Variants in SOX5 observed in about 807,000 individuals in gnomAD.
SOX5 encodes the protein SRY-box transcription factor 5.
Under a neutral mutation model 92.0 loss-of-function variants are expected in SOX5, and 9 were observed. The ratio of observed to expected loss-of-function variants is 0.10; its 90% CI spans 0.06 to 0.17. The LOEUF (loss-of-function observed/expected upper bound fraction) is 0.17, where lower values mean the gene tolerates loss of function less well. Ranked by LOEUF, SOX5 falls within the 10% of genes least tolerant of loss-of-function variation. The pLI, the probability that SOX5 is intolerant of heterozygous loss-of-function variation, is 1.00. For synonymous variants in SOX5, 344 were observed against 336.3 expected (o/e 1.02, Z -0.25); for missense variants, 642 against 944.5 (o/e 0.68, Z 4.20).
chr12:23,666,559 G>C (rs2083846621), intron 6 of SOX5, among the ~76,000 whole-genome samples: 1 of 152,154 alleles, frequency 6.6e-6, no homozygotes, highest in African/African-American at 2.4e-5. Context: ...TTATTGGTTA[G>C]TGTTTATTGA....
At chr12:24,070,607 A>G (rs539993979) in intron 4 of SOX5, among the ~76,000 whole-genome samples, 19 of 152,318 alleles carry the variant, frequency 1.2e-4, no homozygotes, top group Admixed American at 1.2e-3. Flanking sequence ...ACTACTGTAA[A>G]GGACTGATAT....
At chr12:23,912,545 T>C (rs1247722703) in intron 1 of SOX5, among the ~76,000 whole-genome samples, 1 of 152,162 alleles carries the variant, frequency 6.6e-6, no homozygotes, top group Admixed American at 6.5e-5. Flanking sequence ...CAAAGGTACA[T>C]AACAGCATTA....
At chr12:23,675,125 C>G (rs1393517330) in intron 6 of SOX5, among the ~76,000 whole-genome samples, 5 of 152,184 alleles carry the variant, frequency 3.3e-5, no homozygotes, top group Non-Finnish European at 5.9e-5. Context: ...ACATTTACTT[C>G]AAAGTCTCTT....
intron 2 of SOX5, among the ~76,000 whole-genome samples, chr12:23,867,930 C>G (rs2096832701): frequency 6.6e-6 from 1 of 151,730 alleles, no homozygotes; most frequent in Non-Finnish European, 1.5e-5. Flanking sequence ...ACCACCTAGG[C>G]AGTTTAACCT....
intron 2 of SOX5, among the ~76,000 whole-genome samples, chr12:23,879,394 G>A (rs781510079): frequency 2.0e-5 from 3 of 151,966 alleles, no homozygotes; most frequent in Non-Finnish European, 2.9e-5. Flanking sequence ...TTCAATAATC[G>A]CTCTTTAAAA....
intron 8 of SOX5, among the ~76,000 whole-genome samples, chr12:23,620,791 A>G (rs1043973789): frequency 6.6e-6 from 1 of 152,076 alleles, no homozygotes; most frequent in Admixed American, 6.6e-5. Flanking sequence ...TTTCTCACGT[A>G]CCAACGAAGC....
chr12:23,861,002 T>C (rs957039717), intron 2 of SOX5, among the ~76,000 whole-genome samples: 3 of 117,250 alleles, frequency 2.6e-5, no homozygotes, highest in African/African-American at 1.0e-4. Flanking sequence ...GAAATAATAA[T>C]GAGCACCTAT....
At chr12:24,213,017 C>G (rs1565669700) in intron 4 of SOX5, among the ~76,000 whole-genome samples, 1 of 149,970 alleles carries the variant, frequency 6.7e-6, no homozygotes, top group Non-Finnish European at 1.5e-5. Context: ...TCTTAAAAGT[C>G]ATTAAGGGAA....
intron 3 of SOX5, among the ~76,000 whole-genome samples, chr12:23,839,252 T>C (rs973356249): frequency 6.6e-6 from 1 of 152,036 alleles, no homozygotes; most frequent in Non-Finnish European, 1.5e-5. Context: ...TGGCATGTCA[T>C]ACACTTCCAA....
chr12:24,141,216 T>C (rs1369112518), intron 4 of SOX5, among the ~76,000 whole-genome samples: 1 of 152,194 alleles, frequency 6.6e-6, no homozygotes, highest in Admixed American at 6.6e-5. Flanking sequence ...ACATCTTTCT[T>C]CTCCTACATG....
chr12:23,782,364 G>C (rs923251473), intron 3 of SOX5, among the ~76,000 whole-genome samples: 1 of 152,110 alleles, frequency 6.6e-6, no homozygotes, highest in Non-Finnish European at 1.5e-5. Context: ...ATAAATCTCA[G>C]GATCAAGACA....
intron 3 of SOX5, among the ~76,000 whole-genome samples, chr12:23,839,814 C>T (rs1053141463): frequency 3.0e-5 from 4 of 132,446 alleles, no homozygotes; most frequent in African/African-American, 1.2e-4. Flanking sequence ...TAGAGTGAGG[C>T]CTTCTCAACT....
intron 4 of SOX5, among the ~76,000 whole-genome samples, chr12:24,207,756 G>A (rs540138843): frequency 3.9e-5 from 6 of 152,160 alleles, no homozygotes; most frequent in African/African-American, 1.2e-4. Context: ...CAGCACCCTC[G>A]TCTTGCAGGC....
At chr12:24,559,006 T>A (rs780297862) in intron 1 of SOX5, among the ~76,000 whole-genome samples, 1 of 152,208 alleles carries the variant, frequency 6.6e-6, no homozygotes, top group African/African-American at 2.4e-5. Flanking sequence ...AAGTTTCAGA[T>A]CCCAAATCAT....
chr12:24,394,912 C>A (rs766939737), intron 1 of SOX5, among the ~76,000 whole-genome samples: 1 of 152,032 alleles, frequency 6.6e-6, no homozygotes, highest in Non-Finnish European at 1.5e-5. Flanking sequence ...TTTCAAATTA[C>A]GATACGCCTT....
At chr12:23,730,580 C>A (rs779020976) in intron 6 of SOX5, among the ~76,000 whole-genome samples, 1 of 152,144 alleles carries the variant, frequency 6.6e-6, no homozygotes, top group African/African-American at 2.4e-5. Flanking sequence ...AAGACTGTAA[C>A]CCTACAAAGT....
intron 1 of SOX5, among the ~76,000 whole-genome samples, chr12:24,477,196 C>T (rs751892657): frequency 1.3e-5 from 2 of 150,826 alleles, no homozygotes; most frequent in African/African-American, 4.9e-5. Flanking sequence ...TTCAGTGGCA[C>T]GATCTCAGCT....
At chr12:23,626,079 GA>G (rs199881253) in intron 8 of SOX5, among the ~76,000 whole-genome samples, 1 of 151,634 alleles carries the variant, frequency 6.6e-6, no homozygotes, top group African/African-American at 2.4e-5. Context: ...AAAAATAGAG[GA>G]AAAAATGAAG....
intron 2 of SOX5, among the ~76,000 whole-genome samples, chr12:24,292,821 C>T (rs534630315): frequency 1.4e-4 from 21 of 152,168 alleles, no homozygotes; most frequent in Non-Finnish European, 2.6e-4. Context: ...CACAGACTAG[C>T]TTCTGGCTTC....
Sources: gnomAD v4.1 joint callset for allele counts (sites outside exome capture counted in the v4.1 genomes callset) on GRCh38, gnomAD v4.1.1 for gene constraint, MANE v1.5 for transcripts, NCBI Gene and HGNC (gene_info 2026-07-23, HGNC 2026-07-21) for gene names.